TWSG1: variants seen among roughly 807,000 people sequenced by gnomAD.
TWSG1 encodes twisted gastrulation BMP signaling modulator 1, also known as twisted gastrulation protein homolog 1.
In TWSG1, 15 loss-of-function variants were observed where a neutral mutation model predicts 23.0. The observed-to-expected ratio is 0.65, with a 90% CI of 0.44 to 1.00. The LOEUF (loss-of-function observed/expected upper bound fraction) is 1.00, where lower values mean the gene tolerates loss of function less well. Among genes scored for constraint, TWSG1 ranks in the 50% least tolerant of loss-of-function variants. TWSG1 has a pLI of 0.00. For missense variants in TWSG1, 242 were observed against 278.7 expected (o/e 0.87, Z 0.94); for synonymous variants, 86 against 92.8 (o/e 0.93, Z 0.42).
intron 1 of TWSG1, 91 bp from the exon 2 acceptor site, chr18:9,337,102 A>G (rs893647508): frequency 1.9e-5 from 22 of 1,140,008 alleles, no homozygotes; most frequent in Middle Eastern, 2.6e-4. Context: ...GACACAAACA[A>G]TGAGTCTTAG....
At chr18:9,390,761 CAG>C (rs1347941828) in intron 3 of TWSG1, among the ~76,000 whole-genome samples, 1 of 152,148 alleles carries the variant, frequency 6.6e-6, no homozygotes, top group Non-Finnish European at 1.5e-5. Context: ...TCTATAAACC[CAG>C]AGCTTTGGAA....
intron 2 of TWSG1, among the ~76,000 whole-genome samples, chr18:9,351,599 G>GTGT (rs1161161608): frequency 6.8e-6 from 1 of 146,164 alleles, no homozygotes; most frequent in African/African-American, 2.5e-5. Context: ...AATTTATGAA[G>GTGT]AAACCCCAGT....
intron 2 of TWSG1, among the ~76,000 whole-genome samples, chr18:9,357,967 T>C (rs1476778764): frequency 1.3e-5 from 2 of 152,136 alleles, no homozygotes; most frequent in African/African-American, 4.8e-5. Context: ...TGATCTAAAA[T>C]GAGGACATGG....
At chr18:9,387,294 A>G (rs1598834126) in intron 3 of TWSG1, among the ~76,000 whole-genome samples, 1 of 152,224 alleles carries the variant, frequency 6.6e-6, no homozygotes, top group Non-Finnish European at 1.5e-5. Context: ...GAACAAGAAA[A>G]TAATTCTCCA....
chr18:9,360,024 G>A lies in TWSG1; in HGVS notation c.176G>A (p.Cys59Tyr). ...GEGNCSCCKE[C>Y]MLCLGALWDE... ...GGCAATTGCTCCTGCTGTAAGGAGT[G>A]CATGCTGTGTCTTGGGGCCCTTTGG... is the stretch of plus-strand genomic sequence containing the variant. Residue 59 changes from cysteine to tyrosine, a missense_variant, in exon 3 of 5, where the codon TGC becomes TAC. Coordinates refer to ENST00000262120, the MANE Select transcript of TWSG1 (RefSeq NM_020648.6). 4 of 1,613,684 alleles carry A rather than the reference G, an allele frequency of 2.5e-6. No homozygotes were observed. Among genetic ancestry groups the A allele is most frequent in the Non-Finnish European group, 3.4e-6 (4 of 1,179,714 alleles).
intron 3 of TWSG1, among the ~76,000 whole-genome samples, chr18:9,369,795 C>T (rs9963516): frequency 0.48 from 73,320 of 151,964 alleles, 18,698 homozygotes; most frequent in East Asian, 0.71. Flanking sequence ...CCTCCCAAAG[C>T]ATTGGGATTA....
chr18:9,372,606 A>G lies in TWSG1; in HGVS notation c.223+12535A>G, dbSNP rs539596610. On this transcript the variant is annotated intron_variant, in intron 3 of 4. Transcript: ENST00000262120. ...TTATATATAAGTGAAATGAATGAAA[A>G]CAATGATACATGGACAGGAGGGAGG... Among the ~76,000 whole-genome samples the G allele has an allele frequency of 7.3e-5, 11 of 150,330 alleles. No homozygotes were observed. In the East Asian group the frequency reaches 2.1e-3, roughly 29 times the overall value.
intron 3 of TWSG1, among the ~76,000 whole-genome samples, chr18:9,370,401 C>T (rs987924082): frequency 4.6e-5 from 7 of 152,106 alleles, no homozygotes; most frequent in African/African-American, 1.7e-4. Context: ...ATAATGATCA[C>T]TTTCCAATCT....
chr18:9,379,077 G>A (rs1486627729), intron 3 of TWSG1, among the ~76,000 whole-genome samples: 1 of 152,186 alleles, frequency 6.6e-6, no homozygotes, highest in African/African-American at 2.4e-5. Context: ...GCTGGTGGGA[G>A]TGTAAATTAG....
At chr18:9,367,405 T>C (rs1319542570) in intron 3 of TWSG1, among the ~76,000 whole-genome samples, 1 of 152,216 alleles carries the variant, frequency 6.6e-6, no homozygotes, top group East Asian at 1.9e-4. Flanking sequence ...AGTTCAACTT[T>C]TTTAGATTCC....
chr18:9,340,034 C>G (rs2040439200), intron 2 of TWSG1, among the ~76,000 whole-genome samples: 1 of 152,076 alleles, frequency 6.6e-6, no homozygotes, highest in Admixed American at 6.5e-5. Context: ...GTAGTGGACA[C>G]AACTATCCTG....
chr18:9,398,097 A>G (rs1347491616), intron 4 of TWSG1, among the ~76,000 whole-genome samples: 1 of 151,956 alleles, frequency 6.6e-6, no homozygotes, highest in Non-Finnish European at 1.5e-5. Context: ...CTGTTAAATG[A>G]CAGTGTAAGA....
chr18:9,364,860 G>A (rs1044330177), intron 3 of TWSG1, among the ~76,000 whole-genome samples: 1 of 151,994 alleles, frequency 6.6e-6, no homozygotes, highest in Non-Finnish European at 1.5e-5. Context: ...CATTACTTCT[G>A]CAGTTATTAG....
intron 2 of TWSG1, among the ~76,000 whole-genome samples, chr18:9,338,018 A>G (rs1437196985): frequency 3.9e-5 from 6 of 152,354 alleles, no homozygotes; most frequent in African/African-American, 1.4e-4. Flanking sequence ...AGAGGAAGTA[A>G]TGTGGCTAAG....
At chr18:9,358,341 A>G (rs750107797) in intron 2 of TWSG1, among the ~76,000 whole-genome samples, 16 of 152,174 alleles carry the variant, frequency 1.1e-4, no homozygotes, top group Non-Finnish European at 1.8e-4. Context: ...AGAGATTGAC[A>G]ATTATCTGTG....
chr18:9,356,850 A>G (rs1261188176), intron 2 of TWSG1, among the ~76,000 whole-genome samples: 1 of 152,096 alleles, frequency 6.6e-6, no homozygotes, highest in African/African-American at 2.4e-5. Flanking sequence ...CATTTCAGAT[A>G]AGGAATACTC....
chr18:9,363,848 G>A (rs1025593674), intron 3 of TWSG1, among the ~76,000 whole-genome samples: 10 of 152,064 alleles, frequency 6.6e-5, no homozygotes, highest in Admixed American at 3.3e-4. Flanking sequence ...GGCTGGTCTC[G>A]AACTCCTGTC....
chr18:9,365,814 G>A (rs2040575975), intron 3 of TWSG1, among the ~76,000 whole-genome samples: 2 of 152,026 alleles, frequency 1.3e-5, no homozygotes, highest in Admixed American at 1.3e-4. Flanking sequence ...CAGCCTGGGC[G>A]ACACAGGGAG....
chr18:9,376,701 A>G, intron 3 of TWSG1, among the ~76,000 whole-genome samples: 1 of 151,894 alleles, frequency 6.6e-6, no homozygotes. Flanking sequence ...GCATGGTGGC[A>G]CACATCTGTA....
Sources: allele counts gnomAD v4.1 joint callset (sites outside exome capture counted in the v4.1 genomes callset), GRCh38; gene constraint gnomAD v4.1.1; transcripts MANE v1.5; gene names NCBI Gene and HGNC (gene_info 2026-07-23, HGNC 2026-07-21).